SEMA4G: variants seen among roughly 807,000 people sequenced by gnomAD.
SEMA4G encodes the protein semaphorin-4G.
In SEMA4G, 59 loss-of-function variants were observed where a neutral mutation model predicts 81.2. That is an observed-to-expected ratio of 0.73 (90% CI 0.59 to 0.90). The LOEUF (loss-of-function observed/expected upper bound fraction) is 0.90. Ranked by LOEUF, SEMA4G falls within the 40% of genes least tolerant of loss-of-function variation. SEMA4G has a pLI of 0.00. For synonymous variants in SEMA4G, 404 were observed against 433.9 expected, an observed-to-expected ratio of 0.93 and a Z score of 0.86; for missense variants, 952 against 1,102.3, an observed-to-expected ratio of 0.86 and a Z score of 1.93.
At chr10:100,970,150 G>A (rs1850588955), upstream of SEMA4G, among the ~76,000 whole-genome samples, 1 of 152,132 alleles carries the variant, frequency 6.6e-6, no homozygotes, top group Non-Finnish European at 1.5e-5. Context: ...TCCACCCCAA[G>A]ATCTAATAGA....
chr10:100,978,219 C>A (rs1044658437), intron 4 of SEMA4G, 76 bp from the exon 6 acceptor site: 18 of 1,079,992 alleles, frequency 1.7e-5, no homozygotes, highest in Non-Finnish European at 2.2e-5. Flanking sequence ...GATCCCTGAC[C>A]CCAGACTGAT....
intron 3 of SEMA4G, chr10:100,975,167 A>G: frequency 2.4e-6 from 1 of 419,520 alleles, no homozygotes; most frequent in Non-Finnish European, 4.8e-6. Context: ...ATTCTGTGAC[A>G]GTGAACACCC....
In SEMA4G at chr10:100,980,104, C is replaced by T; in HGVS notation, c.1129-18C>T. The T allele has an allele frequency of 6.2e-7, 1 of 1,613,946 alleles. No homozygotes were observed. The highest frequency in any genetic ancestry group is 8.5e-7 in the Non-Finnish European group (1 of 1,179,822). On this transcript the variant is annotated intron_variant, in intron 9 of 13. Coordinates refer to ENST00000370250, the Ensembl canonical transcript of SEMA4G. ...GTGGTGGAGTCCCGAGGTTCACCAC[C>T]TTCGTCCCCCACGCCAGTGTATCAC...
downstream of SEMA4G, chr10:100,984,925 T>C (rs1450956457): frequency 6.9e-7 from 1 of 1,445,686 alleles, no homozygotes; most frequent in East Asian, 2.5e-5. Context: ...CCCATCCCCA[T>C]GCACATGTGG....
exon 1 of SEMA4G, chr10:100,972,793 A>G: frequency 9.2e-7 from 1 of 1,082,046 alleles, no homozygotes; most frequent in Non-Finnish European, 1.3e-6. Context: ...ATGACCCCTG[A>G]CCTTCCAAGT....
exon 14 of SEMA4G, chr10:100,983,475 G>A: frequency 6.2e-7 from 1 of 1,614,206 alleles, no homozygotes; most frequent in Non-Finnish European, 8.5e-7. Context: ...GCTGGTTACA[G>A]ATGCACAGCC....
chr10:100,973,336 A>T lies in SEMA4G; in HGVS notation c.273+59A>T. 6.3e-7 allele frequency: 1 copy of T among 1,593,966 alleles called. No individual in the cohort carries two copies. The highest frequency in any genetic ancestry group is 8.5e-7 in the Non-Finnish European group (1 of 1,170,858). ...CTCTATGCTTATCCAGCTCCCTGGG[A>T]CCTCAACTTCCTTAAAACCCTGCCA... is the stretch of plus-strand genomic sequence containing the variant. On this transcript the variant is annotated intron_variant, in intron 2 of 13. Coordinates refer to ENST00000370250, the Ensembl canonical transcript of SEMA4G. This position sits in a 1 kb window ranked among gnomAD's most constrained non-coding sequence, Gnocchi z 5.5.
chr10:100,980,222 C>A (rs779575501), exon 10 of SEMA4G: 1 of 1,614,252 alleles, frequency 6.2e-7, no homozygotes, highest in Admixed American at 1.7e-5. Flanking sequence ...ATGGCTCGGC[C>A]CGTTGTGCCC....
At chr10:100,972,395 G>C (rs1850658913), upstream of SEMA4G, 1 of 153,182 alleles carries the variant, frequency 6.5e-6, no homozygotes, top group Non-Finnish European at 1.4e-5. Flanking sequence ...GAATGATTGT[G>C]AGTCGATCCT....
intron 12 of SEMA4G, 67 bp downstream of exon 13, chr10:100,981,064 G>A (rs1851046705): frequency 6.2e-7 from 1 of 1,601,658 alleles, no homozygotes; most frequent in Admixed American, 1.7e-5. Context: ...GATAGCTACT[G>A]GGGGAGTGCA....
At chr10:100,984,568 G>A in exon 14 of SEMA4G, 1 of 1,536,164 alleles carries the variant, frequency 6.5e-7, no homozygotes. Context: ...CCTGAAACCA[G>A]ACAAGACCTC....
chr10:100,983,450 G>A (rs748043373), exon 14 of SEMA4G: 8 of 1,613,978 alleles, frequency 5.0e-6, no homozygotes, highest in African/African-American at 1.3e-5. Flanking sequence ...GCTACCGTGT[G>A]GGCGTGGACG....
exon 13 of SEMA4G, chr10:100,981,217 A>T (rs756467836): frequency 6.2e-7 from 1 of 1,614,230 alleles, no homozygotes; most frequent in Non-Finnish European, 8.5e-7. Flanking sequence ...CTGTGAGAGC[A>T]GCAGGGATAC....
intron 10 of SEMA4G, 75 bp downstream of exon 11, chr10:100,980,419 G>A: frequency 6.8e-7 from 1 of 1,474,738 alleles, no homozygotes; most frequent in Non-Finnish European, 9.4e-7. Context: ...TTCCTGCCAT[G>A]ACTAGTCTGG....
Position 100,973,507 on chromosome 10 carries a change from T to G in SEMA4G, c.274-40T>G. The G allele has an allele frequency of 6.3e-7, 1 of 1,595,732 alleles. No individual in the cohort carries two copies. The highest frequency in any genetic ancestry group is 8.6e-7 in the Non-Finnish European group (1 of 1,163,696). ...GCCTGGTCCTATGAGTAATAGGTATTGGGGTCAGTGCATCAGCCTATTCCC... is the reference window on the plus strand; with the variant it reads ...GCCTGGTCCTATGAGTAATAGGTATGGGGGTCAGTGCATCAGCCTATTCCC... On this transcript the variant is annotated intron_variant, in intron 2 of 13. Coordinates refer to ENST00000370250, the Ensembl canonical transcript of SEMA4G. The surrounding 1 kb of genome is among the most constrained non-coding windows in gnomAD (Gnocchi z 5.5).
chr10:100,983,473 C>T, exon 14 of SEMA4G: 3 of 1,614,206 alleles, frequency 1.9e-6, no homozygotes, highest in South Asian at 1.1e-5. Context: ...CTGCTGGTTA[C>T]AGATGCACAG....
Position 100,980,721 on chromosome 10 carries a change from A to G in SEMA4G, c.1467+28A>G, listed in dbSNP as rs1295947882. ...AGCCCTTCTCTGTGACCCTTAATAT[A>G]GCCTTGCTGAAATAGGAAGAGGGAG... On this transcript the variant is annotated intron_variant, in intron 11 of 13. Coordinates refer to ENST00000370250, the Ensembl canonical transcript of SEMA4G. The G allele has an allele frequency of 2.5e-6, 4 of 1,608,908 alleles. No homozygotes were observed. The East Asian group carries it at 6.7e-5, about 27-fold the overall frequency.
exon 10 of SEMA4G, chr10:100,980,235 A>G: frequency 6.2e-7 from 1 of 1,614,220 alleles, no homozygotes; most frequent in South Asian, 1.1e-5. Flanking sequence ...TTGTGCCCAC[A>G]CGTGGACGGC....
At chr10:100,982,685 A>C (rs942484069) in intron 13 of SEMA4G, among the ~76,000 whole-genome samples, 3 of 152,234 alleles carry the variant, frequency 2.0e-5, no homozygotes, top group African/African-American at 7.2e-5. Context: ...CCAGCTACTC[A>C]GGAGCCAGAG....
Sources: gnomAD v4.1 joint callset for allele counts (sites outside exome capture counted in the v4.1 genomes callset) on GRCh38, gnomAD v4.1.1 for gene constraint, Gnocchi (gnomAD v3.1) non-coding constraint, MANE v1.5 for transcripts, NCBI Gene and HGNC (gene_info 2026-07-23, HGNC 2026-07-21) for gene names.